Variants in PDZD9 observed in about 807,000 individuals in gnomAD.
PDZD9 encodes PDZ domain containing 9.
A neutral mutation model predicts 16.3 loss-of-function variants in PDZD9; 13 were observed. The ratio of observed to expected loss-of-function variants is 0.80; its 90% CI spans 0.52 to 1.27. The LOEUF is 1.27. Among genes scored for constraint, PDZD9 ranks in the 50% most tolerant of loss-of-function variants. PDZD9 has a pLI of 0.00. For missense variants in PDZD9, 288 were observed against 310.9 expected (o/e 0.93, Z 0.55); for synonymous variants, 120 against 111.0 (o/e 1.08, Z -0.51).
At chr16:21,995,139 C>T (rs1449802031) in intron 2 of PDZD9, 8 of 429,354 alleles carry the variant, frequency 1.9e-5, no homozygotes, top group Admixed American at 1.7e-4. Flanking sequence ...TTCCTGTTCT[C>T]GTGATAGCGA....
the PDZD9 span, among the ~76,000 whole-genome samples, chr16:21,970,630 G>C: frequency 6.6e-6 from 1 of 152,218 alleles, no homozygotes; most frequent in East Asian, 1.9e-4. Context: ...CTGTTGCCCA[G>C]GCTGGAGTGC....
At chr16:21,962,437 C>G in the PDZD9 span, 1 of 1,613,764 alleles carries the variant, frequency 6.2e-7, no homozygotes, top group Non-Finnish European at 8.5e-7. Context: ...AGATGATTTA[C>G]TCTAGTTTAT....
downstream of PDZD9, chr16:21,982,985 A>T: frequency 2.2e-6 from 2 of 929,030 alleles, no homozygotes; most frequent in East Asian, 2.6e-5. Flanking sequence ...AAAAAAAAAG[A>T]ATGTCCTATC....
At chr16:21,962,020 G>A in the PDZD9 span, among the ~76,000 whole-genome samples, 37 of 152,002 alleles carry the variant, frequency 2.4e-4, no homozygotes, top group African/African-American at 8.0e-4. Context: ...ATTCAGCTCC[G>A]GAACTTTTCT....
At chr16:21,988,175 T>C (rs1898928986) in intron 3 of PDZD9, among the ~76,000 whole-genome samples, 1 of 151,938 alleles carries the variant, frequency 6.6e-6, no homozygotes, top group African/African-American at 2.4e-5. Flanking sequence ...ATCCAGCTAA[T>C]TTTTGTAATT....
At chr16:21,983,042 A>G (rs781451912), downstream of PDZD9, 1 of 1,549,872 alleles carries the variant, frequency 6.5e-7, no homozygotes, top group Non-Finnish European at 8.9e-7. Context: ...TTGATGATAT[A>G]TATTTTTATT....
chr16:21,970,041 A>G, the PDZD9 span, among the ~76,000 whole-genome samples: 1 of 152,020 alleles, frequency 6.6e-6, no homozygotes, highest in African/African-American at 2.4e-5. Context: ...TATTCTGGAC[A>G]TTTCCTATAA....
chr16:21,963,015 G>T, the PDZD9 span: 1 of 1,206,730 alleles, frequency 8.3e-7, no homozygotes, highest in Non-Finnish European at 1.1e-6. Flanking sequence ...TTGAGACAGA[G>T]TCTCACTCTG....
chr16:21,962,708 A>G, the PDZD9 span: 27 of 1,611,954 alleles, frequency 1.7e-5, no homozygotes, highest in Non-Finnish European at 2.3e-5. Flanking sequence ...TAGAATCTCA[A>G]ATGTTGGCTT....
intron 2 of PDZD9, among the ~76,000 whole-genome samples, chr16:21,991,826 C>T (rs1253529162): frequency 2.6e-5 from 4 of 152,074 alleles, no homozygotes; most frequent in East Asian, 1.9e-4. Flanking sequence ...AGAATGATGC[C>T]GAGGAGAACT....
chr16:21,977,502 G>A, the PDZD9 span, among the ~76,000 whole-genome samples: 4 of 151,908 alleles, frequency 2.6e-5, no homozygotes, highest in Non-Finnish European at 4.4e-5. Context: ...ATTTTGTTTT[G>A]TTTTATAAGA....
the PDZD9 span, chr16:21,965,563 C>A: frequency 7.5e-7 from 1 of 1,332,352 alleles, no homozygotes. Flanking sequence ...TGAACATCTC[C>A]CATTTCAGGT....
At chr16:21,962,856 A>G in the PDZD9 span, 2 of 1,614,202 alleles carry the variant, frequency 1.2e-6, no homozygotes, top group Non-Finnish European at 1.7e-6. Context: ...AAGATTGACA[A>G]AGCTGTGGCC....
At chr16:21,969,335 A>T in the PDZD9 span, among the ~76,000 whole-genome samples, 1 of 152,160 alleles carries the variant, frequency 6.6e-6, no homozygotes, top group Non-Finnish European at 1.5e-5. Context: ...GGAGTTCAAG[A>T]CCAGCCTAGC....
chr16:21,960,815 A>G, the PDZD9 span, among the ~76,000 whole-genome samples: 1 of 152,138 alleles, frequency 6.6e-6, no homozygotes, highest in African/African-American at 2.4e-5. Context: ...CAGGACAGAA[A>G]CAGCATTTCT....
the PDZD9 span, among the ~76,000 whole-genome samples, chr16:21,967,916 A>G: frequency 6.6e-6 from 1 of 152,128 alleles, no homozygotes; most frequent in African/African-American, 2.4e-5. Context: ...GAAACCTGAC[A>G]TACTACGTAA....
the PDZD9 span, among the ~76,000 whole-genome samples, chr16:21,966,917 T>C: frequency 1.3e-5 from 2 of 152,218 alleles, no homozygotes; most frequent in African/African-American, 4.8e-5. Context: ...AATGGAACAG[T>C]ATTCAACCAT....
At chr16:21,966,768 T>C in the PDZD9 span, among the ~76,000 whole-genome samples, 1 of 152,200 alleles carries the variant, frequency 6.6e-6, no homozygotes, top group African/African-American at 2.4e-5. Context: ...TTCACCCTCA[T>C]GAAGATGTGT....
the PDZD9 span, among the ~76,000 whole-genome samples, chr16:21,960,145 G>A: frequency 6.6e-6 from 1 of 152,190 alleles, no homozygotes; most frequent in Non-Finnish European, 1.5e-5. Flanking sequence ...GAATGTCCTG[G>A]ACGGCATCTT....
Sources: allele counts gnomAD v4.1 joint callset (sites outside exome capture counted in the v4.1 genomes callset), GRCh38; gene constraint gnomAD v4.1.1; transcripts MANE v1.5; gene names NCBI Gene and HGNC (gene_info 2026-07-23, HGNC 2026-07-21).